The following DYNC1I1 variants were observed in gnomAD, a reference collection of about 807,000 sequenced individuals.
DYNC1I1 encodes dynein cytoplasmic 1 intermediate chain 1, also known as cytoplasmic dynein 1 intermediate chain 1.
A neutral mutation model predicts 86.6 loss-of-function variants in DYNC1I1; 43 were observed. The ratio of observed to expected loss-of-function variants is 0.50; its 90% CI spans 0.39 to 0.64. The LOEUF (loss-of-function observed/expected upper bound fraction) is 0.64. Ranked by LOEUF, DYNC1I1 falls within the 30% of genes least tolerant of loss-of-function variation. The probability of loss-of-function intolerance (pLI) is 0.00; values close to 1 mark genes in which losing one functional copy is unlikely to be tolerated. For synonymous variants in DYNC1I1, 262 were observed against 283.7 expected, an observed-to-expected ratio of 0.92 and a Z score of 0.77; for missense variants, 604 against 788.8, an observed-to-expected ratio of 0.77 and a Z score of 2.81.
At chr7:96,036,844 A>G (rs140275308) in intron 13 of DYNC1I1, among the ~76,000 whole-genome samples, 41 of 152,268 alleles carry the variant, frequency 2.7e-4, no homozygotes, top group Middle Eastern at 6.8e-3. Context: ...GTGGAATCCA[A>G]TAGTTTGGAC....
At chr7:96,068,882 C>T (rs891223116) in intron 14 of DYNC1I1, among the ~76,000 whole-genome samples, 4 of 151,984 alleles carry the variant, frequency 2.6e-5, no homozygotes, top group Admixed American at 6.6e-5. Flanking sequence ...AGTTTAAGGG[C>T]GAGGGTGAAA....
intron 5 of DYNC1I1, among the ~76,000 whole-genome samples, chr7:95,857,169 T>C (rs1789747833): frequency 6.6e-6 from 1 of 152,154 alleles, no homozygotes; most frequent in African/African-American, 2.4e-5. Context: ...GACGCAGTCA[T>C]AGATGTTGTA....
chr7:96,025,935 C>T (rs1257752829), intron 10 of DYNC1I1, among the ~76,000 whole-genome samples: 17 of 152,006 alleles, frequency 1.1e-4, no homozygotes, highest in Admixed American at 1.1e-3. Context: ...TTCCTTTATC[C>T]ATATCGATTT....
intron 14 of DYNC1I1, among the ~76,000 whole-genome samples, chr7:96,073,499 A>G (rs748643362): frequency 8.5e-5 from 13 of 152,238 alleles, no homozygotes; most frequent in Non-Finnish European, 1.5e-4. Context: ...AAATAATATC[A>G]GTTCCTTAGA....
intron 5 of DYNC1I1, among the ~76,000 whole-genome samples, chr7:95,864,504 G>A (rs1294558118): frequency 1.3e-5 from 2 of 152,126 alleles, no homozygotes; most frequent in Non-Finnish European, 2.9e-5. Context: ...AAGTTGACAG[G>A]ACAAGGTGAA....
At chr7:96,027,554 T>C (rs1794710715) in intron 10 of DYNC1I1, among the ~76,000 whole-genome samples, 1 of 152,106 alleles carries the variant, frequency 6.6e-6, no homozygotes, top group Admixed American at 6.5e-5. Flanking sequence ...AGGAATAACA[T>C]TAAGAATTTT....
chr7:95,974,872 T>A (rs1159638081), intron 6 of DYNC1I1, among the ~76,000 whole-genome samples: 1 of 152,192 alleles, frequency 6.6e-6, no homozygotes, highest in Non-Finnish European at 1.5e-5. Context: ...AAAAAGTCCC[T>A]GCAAAGCCTC....
chr7:96,017,762 A>G (rs112569838), intron 10 of DYNC1I1, among the ~76,000 whole-genome samples: 7,088 of 152,236 alleles, frequency 0.047, 208 homozygotes, highest in Non-Finnish European at 0.061. Context: ...ATTTTGAGGA[A>G]TAGACACACT....
chr7:95,839,142 T>C (rs188371453), intron 5 of DYNC1I1, among the ~76,000 whole-genome samples: 230 of 152,290 alleles, frequency 1.5e-3, no homozygotes, highest in African/African-American at 5.1e-3. Context: ...GCAATTCTCC[T>C]GCCTCAGCCT....
chr7:95,902,275 A>C (rs1158221093), intron 6 of DYNC1I1, among the ~76,000 whole-genome samples: 1 of 152,228 alleles, frequency 6.6e-6, no homozygotes, highest in Non-Finnish European at 1.5e-5. Context: ...TAGCATGTAG[A>C]AAAATACATG....
chr7:95,897,294 T>C (rs1790907295), intron 6 of DYNC1I1, among the ~76,000 whole-genome samples: 1 of 152,062 alleles, frequency 6.6e-6, no homozygotes, highest in Non-Finnish European at 1.5e-5. Context: ...CCTAGGAAAA[T>C]GAATTTATGT....
chr7:95,795,913 G>T (rs919688066), intron 1 of DYNC1I1, among the ~76,000 whole-genome samples: 1 of 151,062 alleles, frequency 6.6e-6, no homozygotes, highest in Non-Finnish European at 1.5e-5. Flanking sequence ...AAAGTAAAAT[G>T]AATTAAAAAT....
At chr7:95,843,789 G>A (rs941576602) in intron 5 of DYNC1I1, among the ~76,000 whole-genome samples, 7 of 152,230 alleles carry the variant, frequency 4.6e-5, no homozygotes, top group African/African-American at 1.7e-4. Flanking sequence ...AATACATACG[G>A]AAGTACCAAA....
At chr7:95,792,029 A>G (rs1433068164) in intron 1 of DYNC1I1, among the ~76,000 whole-genome samples, 2 of 152,256 alleles carry the variant, frequency 1.3e-5, no homozygotes, top group Non-Finnish European at 2.9e-5. Context: ...GAAAATATGC[A>G]CAATATGGAC....
rs565480339 is a variant in DYNC1I1, at chr7:95,820,767, A to G, written c.315-7290A>G. Among the ~76,000 whole-genome samples the G allele has an allele frequency of 1.1e-3, 170 of 152,364 alleles. 1 individual carries two copies. In the Middle Eastern group the frequency reaches 0.02, roughly 18 times the overall value. ...TAAAAATAATAATATTCATAGAGAC[A>G]GGGTCTCGCTATGTTACCCAGGCTG... On this transcript the variant is annotated intron_variant, in intron 4 of 16. Coordinates refer to ENST00000447467, the MANE Select transcript of DYNC1I1 (RefSeq NM_001135556.2).
chr7:95,773,702 T>C (rs1474465085), intron 1 of DYNC1I1, among the ~76,000 whole-genome samples: 1 of 152,232 alleles, frequency 6.6e-6, no homozygotes, highest in African/African-American at 2.4e-5. Flanking sequence ...GTGGGCATTG[T>C]AGACTTATTG....
At chr7:96,042,655 T>G (rs796183573) in intron 14 of DYNC1I1, among the ~76,000 whole-genome samples, 18 of 152,352 alleles carry the variant, frequency 1.2e-4, no homozygotes, top group Middle Eastern at 3.4e-3. Context: ...AATAGATTCA[T>G]GAGTTCCTAA....
At chr7:95,893,195 A>G (rs1790789753) in intron 6 of DYNC1I1, among the ~76,000 whole-genome samples, 1 of 152,202 alleles carries the variant, frequency 6.6e-6, no homozygotes, top group South Asian at 2.1e-4. Flanking sequence ...TTCATCCTGA[A>G]GGGCTGTGAT....
chr7:96,049,955 C>T (rs191721677), intron 14 of DYNC1I1, among the ~76,000 whole-genome samples: 8 of 151,464 alleles, frequency 5.3e-5, no homozygotes, highest in East Asian at 1.9e-4. Context: ...ATTGCTTGAA[C>T]CTGGAGGGCA....
Sources: gnomAD v4.1 joint callset for allele counts (sites outside exome capture counted in the v4.1 genomes callset) on GRCh38, gnomAD v4.1.1 for gene constraint, MANE v1.5 for transcripts, NCBI Gene and HGNC (gene_info 2026-07-23, HGNC 2026-07-21) for gene names.